Variants in RBFOX1 observed in about 807,000 individuals in gnomAD.
RBFOX1 encodes RNA binding fox-1 homolog 1.
In RBFOX1, 8 loss-of-function variants were observed where a neutral mutation model predicts 57.7. The observed-to-expected ratio is 0.14, with a 90% CI of 0.08 to 0.25. RBFOX1 has a LOEUF of 0.25. RBFOX1 is among the 10% of genes least tolerant of loss of function. The probability of loss-of-function intolerance (pLI) is 1.00; values close to 1 mark genes in which losing one functional copy is unlikely to be tolerated. For synonymous variants in RBFOX1, 326 were observed against 222.4 expected, an observed-to-expected ratio of 1.47 and a Z score of -4.15; for missense variants, 611 against 548.5, an observed-to-expected ratio of 1.11 and a Z score of -1.14.
intron 1 of RBFOX1, among the ~76,000 whole-genome samples, chr16:5,425,789 C>T (rs1254397468): frequency 6.6e-6 from 1 of 152,162 alleles, no homozygotes; most frequent in Non-Finnish European, 1.5e-5. Flanking sequence ...TCACCTGGAA[C>T]CCCCCACGTC....
chr16:5,386,814 G>C (rs1214253929), intron 1 of RBFOX1, among the ~76,000 whole-genome samples: 2 of 152,172 alleles, frequency 1.3e-5, no homozygotes, highest in African/African-American at 4.8e-5. Flanking sequence ...ACTTTGGAAG[G>C]CCAAGGTGGG....
intron 3 of RBFOX1, among the ~76,000 whole-genome samples, chr16:6,957,651 C>T (rs114864928): frequency 3.3e-5 from 5 of 152,078 alleles, no homozygotes; most frequent in Non-Finnish European, 7.4e-5. Context: ...GTGCCGACAT[C>T]CTGTCTCATC....
At chr16:6,740,552 T>C (rs1308163566) in intron 3 of RBFOX1, among the ~76,000 whole-genome samples, 1 of 152,222 alleles carries the variant, frequency 6.6e-6, no homozygotes, top group African/African-American at 2.4e-5. Flanking sequence ...AGTCACAGGA[T>C]ATGAAATCAC....
At chr16:6,128,011 A>T (rs986240581) in intron 1 of RBFOX1, among the ~76,000 whole-genome samples, 1 of 152,138 alleles carries the variant, frequency 6.6e-6, no homozygotes, top group African/African-American at 2.4e-5. Flanking sequence ...GTGCTTAAAG[A>T]TATCTGGAGC....
At chr16:6,034,886 G>A (rs2095344708) in intron 1 of RBFOX1, among the ~76,000 whole-genome samples, 1 of 150,740 alleles carries the variant, frequency 6.6e-6, no homozygotes, top group South Asian at 2.1e-4. Context: ...TTACAGGGTG[G>A]ATGGTCAGCT....
intron 2 of RBFOX1, among the ~76,000 whole-genome samples, chr16:6,551,224 T>C (rs2096983607): frequency 6.6e-6 from 1 of 152,202 alleles, no homozygotes; most frequent in South Asian, 2.1e-4. Flanking sequence ...AAATGTTGTG[T>C]AGCATCAGCT....
intron 4 of RBFOX1, among the ~76,000 whole-genome samples, chr16:7,408,231 C>T (rs2098380025): frequency 6.6e-6 from 1 of 152,202 alleles, no homozygotes; most frequent in Non-Finnish European, 1.5e-5. Context: ...GAGACTGACA[C>T]TCAAATCATT....
chr16:7,218,806 A>G (rs2152836052), intron 4 of RBFOX1, among the ~76,000 whole-genome samples: 1 of 151,676 alleles, frequency 6.6e-6, no homozygotes, highest in East Asian at 1.9e-4. Flanking sequence ...GCAATCAGGA[A>G]CCTGTCTAGA....
In RBFOX1 at chr16:5,418,918, G is replaced by A. The variant is rs1380816425; in HGVS notation, c.220-48298G>A. On this transcript the variant is annotated intron_variant, in intron 1 of 2. Transcript: ENST00000585867. The stretch of plus-strand genomic sequence containing the variant: ...ATTCCAAGCAAACAATGCAGGAAGG[G>A]TGGTGCCCCAGCTCAGAGGTGAAGG... Among the ~76,000 whole-genome samples, 7 of 152,316 alleles carry A rather than the reference G, an allele frequency of 4.6e-5. 1 individual carries two copies. The East Asian group carries it at 1.4e-3, about 29-fold the overall frequency.
chr16:5,663,968 C>G (rs1235287544), intron 3 of RBFOX1, among the ~76,000 whole-genome samples: 1 of 152,068 alleles, frequency 6.6e-6, no homozygotes, highest in East Asian at 1.9e-4. Flanking sequence ...CGAGATATTC[C>G]GGCCATGGCG....
chr16:7,095,373 G>A (rs1056661026), intron 4 of RBFOX1, among the ~76,000 whole-genome samples: 1 of 151,976 alleles, frequency 6.6e-6, no homozygotes, highest in African/African-American at 2.4e-5. Context: ...CCTGACCTCA[G>A]GTAATCGACC....
At chr16:5,324,840 G>A (rs2064519105) in intron 1 of RBFOX1, among the ~76,000 whole-genome samples, 1 of 152,128 alleles carries the variant, frequency 6.6e-6, no homozygotes, top group East Asian at 1.9e-4. Flanking sequence ...GAAGGAAGAG[G>A]GAGAAGATTG....
intron 4 of RBFOX1, among the ~76,000 whole-genome samples, chr16:5,867,610 G>C (rs2057374067): frequency 6.6e-6 from 1 of 152,138 alleles, no homozygotes; most frequent in Non-Finnish European, 1.5e-5. Context: ...GCCCAGCTCA[G>C]ACAAAGCCCT....
chr16:7,574,816 A>C (rs917359194), intron 5 of RBFOX1, among the ~76,000 whole-genome samples: 1 of 152,182 alleles, frequency 6.6e-6, no homozygotes, highest in African/African-American at 2.4e-5. Flanking sequence ...TCCTATTGAC[A>C]GATGACAGCC....
chr16:7,065,497 C>T (rs776216169), intron 4 of RBFOX1, among the ~76,000 whole-genome samples: 63 of 152,236 alleles, frequency 4.1e-4, no homozygotes, highest in African/African-American at 6.3e-4. Context: ...CTATCTAAGA[C>T]GCTGACCCTT....
chr16:7,612,671 A>G (rs907478530), intron 10 of RBFOX1, among the ~76,000 whole-genome samples: 12 of 152,154 alleles, frequency 7.9e-5, no homozygotes, highest in African/African-American at 2.7e-4. Context: ...TATCCAGCCA[A>G]TGAAACTGTT....
At chr16:5,831,581 C>A (rs1310088144) in intron 3 of RBFOX1, among the ~76,000 whole-genome samples, 2 of 151,808 alleles carry the variant, frequency 1.3e-5, no homozygotes, top group East Asian at 3.9e-4. Flanking sequence ...CCTCCACCTA[C>A]TGGTTTCAAG....
chr16:6,646,237 A>C (rs996379310), intron 2 of RBFOX1, among the ~76,000 whole-genome samples: 44 of 152,190 alleles, frequency 2.9e-4, no homozygotes, highest in African/African-American at 1.1e-3. Flanking sequence ...CCGAACAATA[A>C]TTTGTTCTCG....
intron 2 of RBFOX1, among the ~76,000 whole-genome samples, chr16:5,540,686 G>C (rs989931714): frequency 6.6e-6 from 1 of 152,064 alleles, no homozygotes; most frequent in Non-Finnish European, 1.5e-5. Flanking sequence ...CGAATCTCTG[G>C]CACTGACATC....
Sources: gnomAD v4.1 joint callset for allele counts (sites outside exome capture counted in the v4.1 genomes callset) on GRCh38, gnomAD v4.1.1 for gene constraint, MANE v1.5 for transcripts, NCBI Gene and HGNC (gene_info 2026-07-23, HGNC 2026-07-21) for gene names.